ZNF423: variants seen among roughly 807,000 people sequenced by gnomAD.
ZNF423 encodes the protein zinc finger protein 423, also known as Ebf-associated zinc finger protein.
A neutral mutation model predicts 95.8 loss-of-function variants in ZNF423; 12 were observed. The observed-to-expected ratio is 0.13, with a 90% CI of 0.08 to 0.20. The LOEUF (loss-of-function observed/expected upper bound fraction) is 0.20, where lower values mean the gene tolerates loss of function less well. ZNF423 is among the 10% of genes least tolerant of loss of function. The probability of loss-of-function intolerance (pLI) is 1.00; values close to 1 mark genes in which losing one functional copy is unlikely to be tolerated. For synonymous variants in ZNF423, 749 were observed against 711.9 expected (o/e 1.05, Z -0.83); for missense variants, 1,316 against 1,737.1 (o/e 0.76, Z 4.31).
At chr16:49,531,362 A>C (rs979502771) in intron 5 of ZNF423, among the ~76,000 whole-genome samples, 5 of 151,814 alleles carry the variant, frequency 3.3e-5, no homozygotes, top group Non-Finnish European at 7.4e-5. Context: ...TGGTCCTTGG[A>C]GAGAGGAAGC....
At chr16:49,580,075 T>C (rs768420457) in intron 5 of ZNF423, among the ~76,000 whole-genome samples, 1 of 152,204 alleles carries the variant, frequency 6.6e-6, no homozygotes. Flanking sequence ...CCAGAGGCCA[T>C]AGCAATCTTT....
rs374655690 is a variant in ZNF423, at chr16:49,609,391, A to C, written c.3601+16779T>G. Among the ~76,000 whole-genome samples, 13 of 152,356 alleles carry C rather than the reference A, an allele frequency of 8.5e-5. No individual in the cohort carries two copies. In the South Asian group the frequency reaches 2.7e-3, roughly 32 times the overall value. On this transcript the variant is annotated intron_variant, in intron 5 of 7. Coordinates refer to ENST00000563137, the MANE Select transcript of ZNF423 (RefSeq NM_001379286.1). ...GTCAATCAATATATGCCAAAATCAA[A>C]ATGACAGAGATGTTGGAATTATCTA...
chr16:49,494,123 A>T (rs1418541154), intron 7 of ZNF423, among the ~76,000 whole-genome samples: 1 of 152,224 alleles, frequency 6.6e-6, no homozygotes, highest in Non-Finnish European at 1.5e-5. Flanking sequence ...TGGTGCAGAC[A>T]TGATGAAGGC....
At chr16:49,679,517 G>T (rs765819936) in intron 3 of ZNF423, among the ~76,000 whole-genome samples, 2 of 152,210 alleles carry the variant, frequency 1.3e-5, no homozygotes, top group African/African-American at 4.8e-5. Context: ...GTCATGACCC[G>T]GCCAGATGTG....
chr16:49,764,032 A>T (rs1023589646), intron 2 of ZNF423, among the ~76,000 whole-genome samples: 1 of 152,196 alleles, frequency 6.6e-6, no homozygotes, highest in Non-Finnish European at 1.5e-5. Context: ...GAGACAGGAA[A>T]GGGGCTGTGT....
At chr16:49,663,227 C>T (rs895369187) in intron 3 of ZNF423, among the ~76,000 whole-genome samples, 1 of 152,180 alleles carries the variant, frequency 6.6e-6, no homozygotes, top group African/African-American at 2.4e-5. Flanking sequence ...AATAATAACA[C>T]GTTATCCTAT....
chr16:49,768,483 G>A (rs988414299), intron 2 of ZNF423, among the ~76,000 whole-genome samples: 5 of 152,098 alleles, frequency 3.3e-5, no homozygotes, highest in African/African-American at 9.7e-5. Context: ...GTACTCCCAC[G>A]CCATCGCCTG....
intron 1 of ZNF423, among the ~76,000 whole-genome samples, chr16:49,840,955 G>A (rs1249711950): frequency 4.6e-5 from 7 of 152,204 alleles, no homozygotes; most frequent in Non-Finnish European, 7.3e-5. Context: ...TGGGGAGGAC[G>A]GATTCGAGGA....
At chr16:49,632,761 C>T (rs539816771) in intron 4 of ZNF423, among the ~76,000 whole-genome samples, 1 of 152,316 alleles carries the variant, frequency 6.6e-6, no homozygotes, top group African/African-American at 2.4e-5. Context: ...CAGCAGAGCA[C>T]CACTCACATA....
rs1372144071 is a variant in ZNF423, at chr16:49,603,554, C to T, written c.3601+22616G>A. Among the ~76,000 whole-genome samples the T allele has an allele frequency of 2.0e-5, 3 of 152,200 alleles. No homozygotes were observed. Among genetic ancestry groups the T allele is most frequent in the Non-Finnish European group, 2.9e-5 (2 of 68,014 alleles). On this transcript the variant is annotated intron_variant, in intron 5 of 7. Coordinates refer to ENST00000563137, the MANE Select transcript of ZNF423 (RefSeq NM_001379286.1). This position sits in a 1 kb window ranked among gnomAD's most constrained non-coding sequence, Gnocchi z 4.1. ...CCTCCAGAGTAGCTGGGATTACAGG[C>T]GCCCGCCACCACGCCCAGCTAATTT...
At chr16:49,670,980 C>T (rs557414403) in intron 3 of ZNF423, among the ~76,000 whole-genome samples, 39 of 152,286 alleles carry the variant, frequency 2.6e-4, no homozygotes, top group African/African-American at 9.1e-4. Context: ...ACAAACCTCT[C>T]GAAGGAGATG....
At chr16:49,815,902 ATATATATATATATTTT>A (rs1567356398) in intron 1 of ZNF423, among the ~76,000 whole-genome samples, 10 of 46,684 alleles carry the variant, frequency 2.1e-4, no homozygotes, top group African/African-American at 6.4e-4. Context: ...ATATATATAT[ATATATATATATATTTT>A]TTTTTTTTTT....
intron 2 of ZNF423, among the ~76,000 whole-genome samples, chr16:49,770,421 G>A (rs1425028805): frequency 6.6e-6 from 1 of 152,188 alleles, no homozygotes; most frequent in Admixed American, 6.5e-5. Context: ...CCTGGTGCTA[G>A]ATTACTGGGG....
chr16:49,602,693 G>A lies in ZNF423; in HGVS notation c.3601+23477C>T, dbSNP rs568368746. ...CTCAGCAGCCATGCGTTTCCAGCAT[G>A]CAGGAATTGCTCCTGCCGATTCAAA... On this transcript the variant is annotated intron_variant, in intron 5 of 7. Coordinates refer to ENST00000563137, the MANE Select transcript of ZNF423 (RefSeq NM_001379286.1). 1.9e-3 allele frequency among the ~76,000 whole-genome samples: 290 copies of A among 152,302 alleles called. 1 individual carries two copies. Among genetic ancestry groups the A allele is most frequent in the Admixed American group, 9.7e-3 (149 of 15,306 alleles).
chr16:49,722,590 C>T (rs1008155134), intron 3 of ZNF423, among the ~76,000 whole-genome samples: 11 of 152,216 alleles, frequency 7.2e-5, no homozygotes, highest in African/African-American at 2.7e-4. Context: ...TCTGATTATA[C>T]ATTAATTGAG....
At position 49,637,693 on chromosome 16, in the gene ZNF423, C is replaced by T. The variant is rs866711600; in HGVS notation, c.1483G>A (p.Glu495Lys). 16 of 1,613,974 alleles carry T rather than the reference C, an allele frequency of 9.9e-6. No homozygotes were observed. The highest frequency in any genetic ancestry group is 2.7e-5 in the African/African-American group (2 of 74,914). The change falls in exon 4 of 8, where the codon GAG becomes AAG. Residue 495 changes from glutamate to lysine, a missense_variant. Glu to Lys is a moderately conservative substitution (Grantham distance 56). Around this residue, in one of 6 missense-constraint regions of ZNF423, gnomAD observed 399 missense variants for 478.5 expected, o/e 0.83. Transcript: ENST00000563137. This position sits in a 1 kb window ranked among gnomAD's most constrained non-coding sequence, Gnocchi z 5.6. Reference protein sequence around the residue: ...ISAFHCNYCPEMFADINSLQE... With the variant: ...ISAFHCNYCPKMFADINSLQE... ...AGGCTATTGATGTCGGCGAACATCTCGGGGCAGTAGTTGCAGTGGAAGGCA... is the reference window on the plus strand; with the variant it reads ...AGGCTATTGATGTCGGCGAACATCTTGGGGCAGTAGTTGCAGTGGAAGGCA...
At chr16:49,703,232 T>G (rs1460198550) in intron 3 of ZNF423, among the ~76,000 whole-genome samples, 1 of 152,250 alleles carries the variant, frequency 6.6e-6, no homozygotes, top group Non-Finnish European at 1.5e-5. Context: ...AGAAATTTCT[T>G]TCTTGAAAAC....
intron 5 of ZNF423, among the ~76,000 whole-genome samples, chr16:49,529,447 C>CA (rs1486131478): frequency 2.0e-5 from 3 of 152,128 alleles, no homozygotes; most frequent in South Asian, 2.1e-4. Context: ...CTTCATTTCT[C>CA]AAAAAAATAA....
intron 3 of ZNF423, among the ~76,000 whole-genome samples, chr16:49,716,825 C>T (rs1215927592): frequency 2.6e-5 from 4 of 152,022 alleles, no homozygotes; most frequent in Non-Finnish European, 4.4e-5. Context: ...ATCCGCATTA[C>T]GGGATGATCT....
Sources: allele counts gnomAD v4.1 joint callset (sites outside exome capture counted in the v4.1 genomes callset), GRCh38; gene constraint gnomAD v4.1.1; regional missense constraint gnomAD v4.1.1; non-coding constraint Gnocchi (gnomAD v3.1); transcripts MANE v1.5; gene names NCBI Gene and HGNC (gene_info 2026-07-23, HGNC 2026-07-21).